The following DUSP16 variants were observed in gnomAD, a reference collection of about 807,000 sequenced individuals.
The protein encoded by DUSP16 is dual specificity protein phosphatase 16.
Under a neutral mutation model 58.3 loss-of-function variants are expected in DUSP16, and 21 were observed. That is an observed-to-expected ratio of 0.36 (90% CI 0.26 to 0.52). The LOEUF (loss-of-function observed/expected upper bound fraction) is 0.52, where lower values mean the gene tolerates loss of function less well. DUSP16 is among the 20% of genes least tolerant of loss of function. The probability of loss-of-function intolerance (pLI) is 0.94; values close to 1 mark genes in which losing one functional copy is unlikely to be tolerated. For synonymous variants in DUSP16, 320 were observed against 323.8 expected (o/e 0.99, Z 0.12); for missense variants, 726 against 819.0 (o/e 0.89, Z 1.39).
chr12:12,534,290 G>A (rs11054958), intron 1 of DUSP16, among the ~76,000 whole-genome samples: 3,718 of 152,310 alleles, frequency 0.024, 75 homozygotes, highest in South Asian at 0.052. Context: ...ACTTCCCCCT[G>A]CTGGGGCCCT....
rs570081560 is a variant in DUSP16 at position 12,562,208 on chromosome 12, G to A, written c.-457C>T. On this transcript the variant is annotated 5_prime_UTR_variant, in exon 1 of 7. Transcript: ENST00000298573. Reference sequence around the variant, plus strand: ...GGCCCCCCTCGCCTCCCGGACTTGCGAGGCGCCGCCGCGGAGCCGAGAGGG... The same window carrying A: ...GGCCCCCCTCGCCTCCCGGACTTGCAAGGCGCCGCCGCGGAGCCGAGAGGG... 1 of 152,206 alleles carries A rather than the reference G, an allele frequency of 6.6e-6. No homozygotes were observed. The highest frequency in any genetic ancestry group is 1.5e-5 in the Non-Finnish European group (1 of 68,076). 9.4% of individuals were successfully genotyped at this position (152,206 alleles called of 1,614,324 possible). A position where few individuals can be genotyped will look rare whatever the true frequency, so the allele number is the denominator to read the frequency against.
chr12:12,505,543 G>A (rs548391742), intron 3 of DUSP16, among the ~76,000 whole-genome samples: 1 of 152,324 alleles, frequency 6.6e-6, no homozygotes, highest in South Asian at 2.1e-4. Context: ...GTTGGTAGTA[G>A]ACCTTGGCTG....
In DUSP16 at chr12:12,519,931, AAG is replaced by A; in HGVS notation, c.296_297del (p.Ser99PhefsTer11). On this transcript the variant is annotated frameshift_variant, in exon 3 of 7. Coordinates refer to ENST00000298573, the MANE Select transcript of DUSP16 (RefSeq NM_030640.3). LOFTEE classifies it high-confidence loss of function. ...DQSSQDVASLSSDCFLTVLLG... is the reference protein window; with the variant it reads ...DQSSQDVASLXSDCFLTVLLG... ...AGAAGTACAGTGAGAAAACAGTCTG[AAG>A]AGAGAGAGGCAACATCTTGGGAGCT... 4 of 1,614,102 alleles carry A rather than the reference AAG, an allele frequency of 2.5e-6. No individual in the cohort carries two copies. Among genetic ancestry groups the A allele is most frequent in the Non-Finnish European group, 3.4e-6 (4 of 1,179,964 alleles).
intron 5 of DUSP16, among the ~76,000 whole-genome samples, chr12:12,484,157 G>A (rs936296362): frequency 6.6e-6 from 1 of 151,930 alleles, no homozygotes; most frequent in Non-Finnish European, 1.5e-5. Context: ...CCACAGAGGA[G>A]AAGACTTAGC....
At chr12:12,506,389 A>G (rs1206650489) in intron 3 of DUSP16, among the ~76,000 whole-genome samples, 1 of 152,222 alleles carries the variant, frequency 6.6e-6, no homozygotes, top group Non-Finnish European at 1.5e-5. Context: ...ACTCCAAGCT[A>G]GATTCCATTA....
In DUSP16 at chr12:12,530,859, G is replaced by A. The variant is rs1369793244; in HGVS notation, c.-365-9396C>T. Among the ~76,000 whole-genome samples, 4 of 152,166 alleles carry A rather than the reference G, an allele frequency of 2.6e-5. No homozygotes were observed. In the East Asian group the frequency reaches 7.7e-4, roughly 29 times the overall value. On this transcript the variant is annotated intron_variant, in intron 1 of 6. Coordinates refer to ENST00000298573, the MANE Select transcript of DUSP16 (RefSeq NM_030640.3). ...ATATGTGTGAAAAAAGTCTATACAA[G>A]GAGGTAGTTTAAAGGATCTTTACAT...
intron 6 of DUSP16, 144 bp from the exon 7 acceptor site, chr12:12,478,159 C>T: frequency 1.3e-6 from 1 of 770,944 alleles, no homozygotes; most frequent in Non-Finnish European, 2.1e-6. Flanking sequence ...CGGGGAGATG[C>T]TTCAAGGTGG....
intron 1 of DUSP16, among the ~76,000 whole-genome samples, chr12:12,556,882 A>G (rs1944813853): frequency 6.6e-6 from 1 of 152,164 alleles, no homozygotes; most frequent in African/African-American, 2.4e-5. Flanking sequence ...CCCTTACCCT[A>G]TTTTACCTAT....
chr12:12,486,495 T>A (rs986447436), intron 5 of DUSP16, among the ~76,000 whole-genome samples: 2 of 137,706 alleles, frequency 1.5e-5, no homozygotes, highest in African/African-American at 5.0e-5. Flanking sequence ...TGTGTGTGTG[T>A]GTGTGTGTGT....
chr12:12,519,392 A>C (rs182686972), intron 3 of DUSP16, among the ~76,000 whole-genome samples: 7 of 152,340 alleles, frequency 4.6e-5, no homozygotes, highest in Admixed American at 2.6e-4. Context: ...TTCATTGTTT[A>C]TAATGCCCAG....
At chr12:12,485,786 CTTT>C (rs749939375) in intron 5 of DUSP16, among the ~76,000 whole-genome samples, 6,778 of 107,342 alleles carry the variant, frequency 0.063, 132 homozygotes, top group East Asian at 0.2. Flanking sequence ...GCCAATTCCA[CTTT>C]TTTTTTTTTT....
intron 3 of DUSP16, among the ~76,000 whole-genome samples, chr12:12,501,176 C>T (rs1205077836): frequency 1.3e-5 from 2 of 152,184 alleles, no homozygotes. Flanking sequence ...AAATTTTTTA[C>T]TGCAAAGGTA....
intron 1 of DUSP16, among the ~76,000 whole-genome samples, chr12:12,557,266 C>T (rs1435228729): frequency 6.6e-6 from 1 of 151,802 alleles, no homozygotes. Flanking sequence ...CCATCCTGGC[C>T]AACGTGGTGA....
chr12:12,491,914 T>A (rs1007991257), intron 4 of DUSP16, among the ~76,000 whole-genome samples: 10 of 152,226 alleles, frequency 6.6e-5, no homozygotes, highest in African/African-American at 2.4e-4. Flanking sequence ...TCTGATGATC[T>A]ACTAATTTTC....
chr12:12,540,939 CTTTTCTTTTCTTTTTT>C (rs1286000618), intron 1 of DUSP16, among the ~76,000 whole-genome samples: 4 of 79,470 alleles, frequency 5.0e-5, no homozygotes, highest in African/African-American at 9.6e-5. Context: ...TTTTTCTTTT[CTTTTCTTTTCTTTTTT>C]TTTTTTTTTT....
At chr12:12,540,382 G>C (rs1566042851) in intron 1 of DUSP16, among the ~76,000 whole-genome samples, 2 of 152,070 alleles carry the variant, frequency 1.3e-5, no homozygotes, top group African/African-American at 4.8e-5. Flanking sequence ...TATTTAACCA[G>C]AGTCAGGAGT....
chr12:12,499,639 A>G (rs1943881625), intron 4 of DUSP16, among the ~76,000 whole-genome samples: 1 of 152,194 alleles, frequency 6.6e-6, no homozygotes, highest in South Asian at 2.1e-4. Flanking sequence ...TAGTTACTCA[A>G]GGAGAACGTG....
chr12:12,497,699 C>T (rs1235942905), intron 4 of DUSP16, among the ~76,000 whole-genome samples: 4 of 151,410 alleles, frequency 2.6e-5, no homozygotes, highest in Non-Finnish European at 5.9e-5. Context: ...AGGCCAGGCA[C>T]GGTGGCTCAC....
At chr12:12,500,290 C>T (rs1197636839) in intron 4 of DUSP16, among the ~76,000 whole-genome samples, 1 of 152,016 alleles carries the variant, frequency 6.6e-6, no homozygotes, top group African/African-American at 2.4e-5. Context: ...TCTCTTGGAC[C>T]TATTAAGAAC....
Sources: allele counts gnomAD v4.1 joint callset (sites outside exome capture counted in the v4.1 genomes callset), GRCh38; gene constraint gnomAD v4.1.1; transcripts MANE v1.5; gene names NCBI Gene and HGNC (gene_info 2026-07-23, HGNC 2026-07-21).